Variants in PRKCB observed in about 807,000 individuals in gnomAD.
PRKCB encodes protein kinase C beta, also known as protein kinase C beta type.
A neutral mutation model predicts 81.5 loss-of-function variants in PRKCB; 13 were observed. That is an observed-to-expected ratio of 0.16 (90% CI 0.10 to 0.25). PRKCB has a LOEUF of 0.25. PRKCB is among the 10% of genes least tolerant of loss of function. The pLI is 1.00. For synonymous variants in PRKCB, 335 were observed against 321.4 expected, an observed-to-expected ratio of 1.04 and a Z score of -0.45; for missense variants, 509 against 875.7, an observed-to-expected ratio of 0.58 and a Z score of 5.29.
At chr16:23,883,159 GA>G (rs796685503) in intron 2 of PRKCB, among the ~76,000 whole-genome samples, 1 of 151,942 alleles carries the variant, frequency 6.6e-6, no homozygotes, top group African/African-American at 2.4e-5. Flanking sequence ...TAAGCAAATT[GA>G]AAAAAACAGG....
intron 3 of PRKCB, among the ~76,000 whole-genome samples, chr16:23,996,265 G>A (rs566114918): frequency 3.9e-5 from 6 of 152,226 alleles, no homozygotes; most frequent in South Asian, 4.1e-4. Context: ...AGAATGACCC[G>A]TTCTTTGGAT....
chr16:23,840,879 T>A (rs957562693), intron 2 of PRKCB, among the ~76,000 whole-genome samples: 1 of 152,192 alleles, frequency 6.6e-6, no homozygotes, highest in South Asian at 2.1e-4. Context: ...GACTGCCTCA[T>A]AATTTCTCCC....
chr16:24,100,043 C>A (rs890111332), intron 7 of PRKCB: 1 of 151,158 alleles, frequency 6.6e-6, no homozygotes. Context: ...TATGGTGCAA[C>A]TTCACCTTTG....
chr16:24,124,950 A>T (rs1298136163), intron 9 of PRKCB, among the ~76,000 whole-genome samples: 2 of 152,056 alleles, frequency 1.3e-5, no homozygotes, highest in East Asian at 3.9e-4. Context: ...TCATCTCTCT[A>T]ATACCACCCA....
At chr16:24,004,102 G>C (rs1039939058) in intron 3 of PRKCB, among the ~76,000 whole-genome samples, 1 of 152,080 alleles carries the variant, frequency 6.6e-6, no homozygotes, top group African/African-American at 2.4e-5. Context: ...TAGGAATAAA[G>C]ATAAAAATAT....
At chr16:23,900,718 GTTTTTTTTTTTTTTTTT>G (rs56897816) in intron 2 of PRKCB, among the ~76,000 whole-genome samples, 4 of 62,232 alleles carry the variant, frequency 6.4e-5, no homozygotes, top group African/African-American at 2.8e-4. Context: ...AGCTGCACAG[GTTTTTTTTTTTTTTTTT>G]TTTTTTTTTT....
At chr16:23,873,383 G>A (rs965071198) in intron 2 of PRKCB, among the ~76,000 whole-genome samples, 3 of 147,698 alleles carry the variant, frequency 2.0e-5, no homozygotes, top group Non-Finnish European at 3.0e-5. Context: ...AAAAAAAAAA[G>A]AGAGAAAAAA....
intron 3 of PRKCB, among the ~76,000 whole-genome samples, chr16:24,013,107 C>A (rs1186653304): frequency 6.6e-6 from 1 of 152,208 alleles, no homozygotes; most frequent in Non-Finnish European, 1.5e-5. Flanking sequence ...TCACGCTGGT[C>A]CTCTAGACTG....
intron 3 of PRKCB, among the ~76,000 whole-genome samples, chr16:24,019,771 A>AG (rs954960433): frequency 6.6e-6 from 1 of 151,988 alleles, no homozygotes; most frequent in Non-Finnish European, 1.5e-5. Flanking sequence ...CTAAAAAAAA[A>AG]AAAGAAAAAA....
intron 2 of PRKCB, among the ~76,000 whole-genome samples, chr16:23,848,961 G>T (rs1326186978): frequency 6.6e-6 from 1 of 152,166 alleles, no homozygotes; most frequent in Non-Finnish European, 1.5e-5. Flanking sequence ...TTGAATCAAG[G>T]AGACGACGCA....
chr16:23,913,947 AAT>A (rs1963699874), intron 2 of PRKCB, among the ~76,000 whole-genome samples: 1 of 151,692 alleles, frequency 6.6e-6, no homozygotes, highest in African/African-American at 2.4e-5. Context: ...CCCATTTTCC[AAT>A]CCTGTTGTAG....
intron 2 of PRKCB, among the ~76,000 whole-genome samples, chr16:23,915,119 G>A (rs1420123682): frequency 2.6e-5 from 4 of 152,086 alleles, no homozygotes; most frequent in Admixed American, 6.5e-5. Flanking sequence ...CCCTTCTCCC[G>A]TTAGCCCCTG....
At chr16:23,902,656 A>G (rs1052867348) in intron 2 of PRKCB, among the ~76,000 whole-genome samples, 1 of 151,956 alleles carries the variant, frequency 6.6e-6, no homozygotes, top group Non-Finnish European at 1.5e-5. Flanking sequence ...CTGCACAGTA[A>G]TGATGGTAAC....
At chr16:24,043,442 G>A (rs1965726975) in intron 5 of PRKCB, among the ~76,000 whole-genome samples, 1 of 151,982 alleles carries the variant, frequency 6.6e-6, no homozygotes, top group Non-Finnish European at 1.5e-5. Flanking sequence ...TTGTTGTAAT[G>A]AAGAAGTTCA....
At chr16:24,021,026 TTC>T (rs1188226989) in intron 3 of PRKCB, among the ~76,000 whole-genome samples, 1 of 139,968 alleles carries the variant, frequency 7.1e-6, no homozygotes, top group South Asian at 2.4e-4. Flanking sequence ...CTTTCTTTCT[TTC>T]TTTCTTTCTT....
chr16:24,103,093 G>A (rs183273904), intron 7 of PRKCB, among the ~76,000 whole-genome samples: 3 of 152,230 alleles, frequency 2.0e-5, no homozygotes, highest in Admixed American at 6.5e-5. Flanking sequence ...GGCTGGTCTC[G>A]AACTCCTGAC....
intron 3 of PRKCB, among the ~76,000 whole-genome samples, chr16:24,025,067 T>C (rs969814897): frequency 3.9e-5 from 6 of 152,024 alleles, no homozygotes; most frequent in African/African-American, 1.4e-4. Flanking sequence ...TCAGAGGAGC[T>C]CTCCAGCAGC....
intron 2 of PRKCB, among the ~76,000 whole-genome samples, chr16:23,924,288 G>A (rs1216392812): frequency 6.6e-6 from 1 of 151,940 alleles, no homozygotes; most frequent in African/African-American, 2.4e-5. Flanking sequence ...AGTTTCCTGA[G>A]GCCTCCCCAA....
Position 24,013,116 on chromosome 16 carries a change from T to A in PRKCB, c.289-19020T>A, listed in dbSNP as rs79479196. Among the ~76,000 whole-genome samples the A allele has an allele frequency of 4.0e-3, 607 of 152,296 alleles. 6 individuals carry two copies. The highest frequency in any genetic ancestry group is 0.014 in the African/African-American group (587 of 41,560). Reference sequence around the variant, plus strand: ...GTCAACTCACGCTGGTCCTCTAGACTGCAGCTCAAGCATCACTTCCTCAGG... The same window carrying A: ...GTCAACTCACGCTGGTCCTCTAGACAGCAGCTCAAGCATCACTTCCTCAGG... On this transcript the variant is annotated intron_variant, in intron 3 of 16. Transcript: ENST00000643927.
Sources: allele counts gnomAD v4.1 joint callset (sites outside exome capture counted in the v4.1 genomes callset), GRCh38; gene constraint gnomAD v4.1.1; transcripts MANE v1.5; gene names NCBI Gene and HGNC (gene_info 2026-07-23, HGNC 2026-07-21).